The following GOLIM4 variants were observed in gnomAD, a reference collection of about 807,000 sequenced individuals.
The protein encoded by GOLIM4 is golgi integral membrane protein 4, also known as 130 kDa golgi-localized phosphoprotein.
In GOLIM4, 71 loss-of-function variants were observed where a neutral mutation model predicts 107.4. The ratio of observed to expected loss-of-function variants is 0.66; its 90% CI spans 0.55 to 0.81. GOLIM4 has a LOEUF of 0.81. GOLIM4 is among the 30% of genes least tolerant of loss of function. The probability of loss-of-function intolerance (pLI) is 0.00; values close to 1 mark genes in which losing one functional copy is unlikely to be tolerated. For synonymous variants in GOLIM4, 327 were observed against 294.8 expected, an observed-to-expected ratio of 1.11 and a Z score of -1.12; for missense variants, 830 against 826.1, an observed-to-expected ratio of 1.00 and a Z score of -0.06.
chr3:168,081,081 C>T (rs1721338785), intron 1 of GOLIM4, among the ~76,000 whole-genome samples: 1 of 152,140 alleles, frequency 6.6e-6, no homozygotes, highest in Non-Finnish European at 1.5e-5. Context: ...TGAATGTTAG[C>T]AGGATTCCAG....
At chr3:168,033,602 G>A (rs1243147599) in intron 8 of GOLIM4, among the ~76,000 whole-genome samples, 3 of 52,012 alleles carry the variant, frequency 5.8e-5, no homozygotes, top group African/African-American at 1.5e-4. Context: ...GCAAGACTCC[G>A]TCTCAAAAAA....
chr3:168,043,307 T>C, intron 5 of GOLIM4, 72 bp downstream of exon 5: 1 of 1,050,530 alleles, frequency 9.5e-7, no homozygotes, highest in Non-Finnish European at 1.4e-6. Flanking sequence ...AAAACAACAG[T>C]CTACAGTTGC....
chr3:168,050,365 T>C (rs1047716393), intron 1 of GOLIM4, among the ~76,000 whole-genome samples: 7 of 152,166 alleles, frequency 4.6e-5, no homozygotes, highest in African/African-American at 1.7e-4. Context: ...TTACTACTAA[T>C]AGCCCCATCT....
intron 7 of GOLIM4, among the ~76,000 whole-genome samples, chr3:168,038,274 T>C (rs1376365820): frequency 6.6e-6 from 1 of 152,228 alleles, no homozygotes; most frequent in East Asian, 1.9e-4. Context: ...TATTTTAAGA[T>C]AAATATGGAG....
chr3:168,082,253 A>G (rs1278147872), intron 1 of GOLIM4, among the ~76,000 whole-genome samples: 1 of 152,170 alleles, frequency 6.6e-6, no homozygotes, highest in Non-Finnish European at 1.5e-5. Flanking sequence ...GGAAGACAGG[A>G]TCACAGGAAA....
chr3:168,093,338 G>C (rs1347029558), intron 1 of GOLIM4, among the ~76,000 whole-genome samples: 1 of 152,208 alleles, frequency 6.6e-6, no homozygotes, highest in East Asian at 1.9e-4. Flanking sequence ...ACTCGCCACA[G>C]TTCAGAATAA....
Position 168,046,956 on chromosome 3 carries a change from T to C in GOLIM4, c.306A>G (p.Lys102=). The change falls in exon 3 of 16, where the codon AAA becomes AAG. Residue 102 remains lysine (K), a synonymous_variant. Transcript: ENST00000470487. ...YKLEAQETLN[K]GRQDSNSRYS... ...CAAAAAAAACAAAACTTACCCTTCC[T>C]TTATTTAATGTTTCTTGTGCTTCTA... The C allele has an allele frequency of 7.4e-7, 1 of 1,352,666 alleles. No individual in the cohort carries two copies. The highest frequency in any genetic ancestry group is 1.0e-6 in the Non-Finnish European group (1 of 985,788). The allele number at this position is 1,352,666 out of a possible 1,614,324, so 83.8% of individuals were successfully genotyped here.
At chr3:168,066,717 G>A (rs570114874) in intron 1 of GOLIM4, among the ~76,000 whole-genome samples, 15 of 152,078 alleles carry the variant, frequency 9.9e-5, no homozygotes, top group East Asian at 3.9e-4. Flanking sequence ...GTACTTTGTC[G>A]GTGAACAAGT....
chr3:168,051,998 A>G (rs1577542478), intron 1 of GOLIM4, among the ~76,000 whole-genome samples: 1 of 152,144 alleles, frequency 6.6e-6, no homozygotes, highest in East Asian at 1.9e-4. Context: ...AGAGGAGGAG[A>G]GGGAGAGAGG....
At chr3:168,093,666 T>C (rs1560115645) in intron 1 of GOLIM4, among the ~76,000 whole-genome samples, 1 of 152,182 alleles carries the variant, frequency 6.6e-6, no homozygotes, top group Non-Finnish European at 1.5e-5. Flanking sequence ...CAATAACTCA[T>C]GGGTAAATTT....
At chr3:168,053,213 A>G (rs146065046) in intron 1 of GOLIM4, among the ~76,000 whole-genome samples, 3 of 152,226 alleles carry the variant, frequency 2.0e-5, no homozygotes, top group African/African-American at 4.8e-5. Context: ...GGCAAAATGC[A>G]TATCTATGCA....
At chr3:168,037,712 C>A (rs1369639533) in intron 7 of GOLIM4, among the ~76,000 whole-genome samples, 1 of 152,130 alleles carries the variant, frequency 6.6e-6, no homozygotes, top group Non-Finnish European at 1.5e-5. Flanking sequence ...ACAGCTGCAC[C>A]TGTGTGTACA....
intron 1 of GOLIM4, among the ~76,000 whole-genome samples, chr3:168,089,799 C>T (rs376709439): frequency 3.4e-5 from 5 of 146,666 alleles, no homozygotes; most frequent in East Asian, 3.9e-4. Context: ...GACAGAGTCT[C>T]GCTCTGTTGC....
At chr3:168,048,634 C>A (rs1291612345) in intron 1 of GOLIM4, among the ~76,000 whole-genome samples, 1 of 152,172 alleles carries the variant, frequency 6.6e-6, no homozygotes, top group Non-Finnish European at 1.5e-5. Context: ...TCCTTCTAGG[C>A]CTCTTAAATG....
chr3:168,092,227 A>ATC (rs1231743846), intron 1 of GOLIM4, among the ~76,000 whole-genome samples: 1 of 152,258 alleles, frequency 6.6e-6, no homozygotes, highest in Non-Finnish European at 1.5e-5. Flanking sequence ...TGCCACCAGT[A>ATC]TGTGACCTCT....
intron 1 of GOLIM4, among the ~76,000 whole-genome samples, chr3:168,049,594 G>A (rs894722866): frequency 1.3e-5 from 2 of 152,090 alleles, no homozygotes; most frequent in Admixed American, 6.5e-5. Flanking sequence ...CAAGCTCCCC[G>A]TGACTACATA....
chr3:168,028,565 T>C (rs1577514750), intron 11 of GOLIM4, among the ~76,000 whole-genome samples: 1 of 152,126 alleles, frequency 6.6e-6, no homozygotes, highest in African/African-American at 2.4e-5. Flanking sequence ...GTTTACTACA[T>C]AGAGAAGAGG....
At chr3:168,061,680 C>T (rs1156298853) in intron 1 of GOLIM4, among the ~76,000 whole-genome samples, 1 of 152,088 alleles carries the variant, frequency 6.6e-6, no homozygotes, top group Non-Finnish European at 1.5e-5. Context: ...AGGAAAGGAG[C>T]CAGACAGCAA....
At chr3:168,091,670 A>G (rs1330422006) in intron 1 of GOLIM4, among the ~76,000 whole-genome samples, 3 of 152,248 alleles carry the variant, frequency 2.0e-5, no homozygotes, top group African/African-American at 7.2e-5. Flanking sequence ...GATTCTGATA[A>G]CAGCTAACTT....
Sources: allele counts gnomAD v4.1 joint callset (sites outside exome capture counted in the v4.1 genomes callset), GRCh38; gene constraint gnomAD v4.1.1; transcripts MANE v1.5; gene names NCBI Gene and HGNC (gene_info 2026-07-23, HGNC 2026-07-21).